Variants in ALK observed in about 807,000 individuals in gnomAD.
ALK encodes ALK receptor tyrosine kinase, also known as ALK tyrosine kinase receptor.
A neutral mutation model predicts 163.1 loss-of-function variants in ALK; 74 were observed. That is an observed-to-expected ratio of 0.45 (90% CI 0.38 to 0.55). The LOEUF is 0.55. Among genes scored for constraint, ALK ranks in the 20% least tolerant of loss-of-function variants. ALK has a pLI of 0.00. For synonymous variants in ALK, 960 were observed against 843.2 expected (o/e 1.14, Z -2.40); for missense variants, 2,063 against 2,105.3 (o/e 0.98, Z 0.39).
intron 3 of ALK, among the ~76,000 whole-genome samples, chr2:29,550,170 G>A (rs1351241687): frequency 2.6e-5 from 4 of 152,160 alleles, no homozygotes; most frequent in African/African-American, 7.2e-5. Context: ...CGAGCAATAT[G>A]TTAACATTTT....
rs1490805869 is a variant in ALK, at chr2:29,375,565, C to T, written c.1282+8167G>A. On this transcript the variant is annotated intron_variant, in intron 5 of 28. Coordinates refer to ENST00000389048, the MANE Select transcript of ALK (RefSeq NM_004304.5). ...ATCTCCTGACCTCGTGATCTGCCCG[C>T]CTCGGCCTCCCAAAGTGCTGGGATT... Among the ~76,000 whole-genome samples, 3 of 152,256 alleles carry T rather than the reference C, an allele frequency of 2.0e-5. No homozygotes were observed. The East Asian group carries it at 5.8e-4, about 29-fold the overall frequency.
At chr2:29,482,268 G>C (rs1314021869) in intron 4 of ALK, among the ~76,000 whole-genome samples, 2 of 152,116 alleles carry the variant, frequency 1.3e-5, no homozygotes, top group African/African-American at 4.8e-5. Context: ...CCATGAGCAG[G>C]GGAGTTATTT....
chr2:29,428,637 T>A (rs1193180363), intron 4 of ALK, among the ~76,000 whole-genome samples: 8 of 151,960 alleles, frequency 5.3e-5, no homozygotes, highest in African/African-American at 1.9e-4. Context: ...AGAAATTACC[T>A]ACAAAGAAAA....
At chr2:29,910,948 C>A (rs768481218) in intron 1 of ALK, among the ~76,000 whole-genome samples, 76 of 152,062 alleles carry the variant, frequency 5.0e-4, no homozygotes, top group Non-Finnish European at 9.7e-4. Flanking sequence ...CTGTTCTTTA[C>A]AACCGAAATA....
At chr2:29,510,600 G>T (rs1573415243) in intron 4 of ALK, among the ~76,000 whole-genome samples, 2 of 152,274 alleles carry the variant, frequency 1.3e-5, no homozygotes, top group African/African-American at 4.8e-5. Context: ...GCAGCAAAAA[G>T]AAATCAATAA....
intron 1 of ALK, among the ~76,000 whole-genome samples, chr2:29,778,886 T>C (rs938163872): frequency 6.6e-6 from 1 of 152,076 alleles, no homozygotes; most frequent in Admixed American, 6.5e-5. Context: ...CCGGGTGCGG[T>C]GGCTCACGCC....
intron 16 of ALK, among the ~76,000 whole-genome samples, chr2:29,228,252 C>G (rs922795891): frequency 6.6e-6 from 1 of 152,210 alleles, no homozygotes; most frequent in Non-Finnish European, 1.5e-5. Flanking sequence ...AACACAGACA[C>G]GAACACCACA....
intron 11 of ALK, among the ~76,000 whole-genome samples, chr2:29,262,592 T>G (rs539410333): frequency 6.6e-6 from 1 of 152,370 alleles, no homozygotes; most frequent in Non-Finnish European, 1.5e-5. Context: ...TGTTGTTTCC[T>G]TGCTCCAGAC....
intron 1 of ALK, among the ~76,000 whole-genome samples, chr2:29,797,678 A>G (rs1475047757): frequency 6.6e-6 from 1 of 152,204 alleles, no homozygotes; most frequent in African/African-American, 2.4e-5. Flanking sequence ...TATTCTGACT[A>G]GTTACTGGAG....
intron 3 of ALK, among the ~76,000 whole-genome samples, chr2:29,693,547 C>T (rs927787249): frequency 6.6e-6 from 1 of 152,044 alleles, no homozygotes; most frequent in Non-Finnish European, 1.5e-5. Context: ...AAAAAGTCAG[C>T]CCAGGAAAGT....
rs2148143244 is a variant in ALK at position 29,197,559 on chromosome 2, C to G, written c.4056G>C (p.Lys1352Asn). ...AGTCATACACAGGCCCAGGGCAGTT[C>G]TTGGGTGGGTCCATCCGGCCTCCAC... ...VTSGGRMDPP[K>N]NCPGPVYRIM... is the part of the protein sequence containing the mutation. The change falls in exon 27 of 29, where the codon AAG (lysine) becomes AAC (asparagine). Residue 1352 changes from lysine (K) to asparagine (N), a missense_variant. Physicochemically the swap from Lys to Asn is moderately conservative, Grantham distance 94. Around this residue, in one of 5 missense-constraint regions of ALK, gnomAD observed 403 missense variants for 366.2 expected, o/e 1.10. Coordinates refer to ENST00000389048, the MANE Select transcript of ALK (RefSeq NM_004304.5). 2 of 1,613,668 alleles carry G rather than the reference C, an allele frequency of 1.2e-6. No individual in the cohort carries two copies. The highest frequency in any genetic ancestry group is 1.7e-6 in the Non-Finnish European group (2 of 1,180,016).
chr2:29,370,957 T>C (rs972574963), intron 5 of ALK, among the ~76,000 whole-genome samples: 2 of 152,238 alleles, frequency 1.3e-5, no homozygotes, highest in South Asian at 4.1e-4. Context: ...TAGTTAATGT[T>C]TGTTAATCGT....
intron 1 of ALK, among the ~76,000 whole-genome samples, chr2:29,734,360 A>G (rs6735852): frequency 6.6e-6 from 1 of 152,140 alleles, no homozygotes; most frequent in Non-Finnish European, 1.5e-5. Flanking sequence ...TTTTAACATG[A>G]AAAAAAGATA....
intron 3 of ALK, among the ~76,000 whole-genome samples, chr2:29,539,317 T>A (rs1367870515): frequency 3.9e-5 from 6 of 152,204 alleles, no homozygotes; most frequent in African/African-American, 1.4e-4. Context: ...CATTGTTACT[T>A]GTCAAAATTG....
intron 1 of ALK, among the ~76,000 whole-genome samples, chr2:29,728,694 G>A (rs992536656): frequency 9.2e-5 from 14 of 152,120 alleles, no homozygotes; most frequent in African/African-American, 3.1e-4. Context: ...GGGTAGGGTG[G>A]GAGGCTGGAG....
At chr2:29,797,150 C>A (rs1225725360) in intron 1 of ALK, among the ~76,000 whole-genome samples, 1 of 151,992 alleles carries the variant, frequency 6.6e-6, no homozygotes, top group African/African-American at 2.4e-5. Flanking sequence ...TTTAGATTGC[C>A]ATCATTTTAA....
chr2:29,226,597 C>T (rs1664002800), intron 18 of ALK, among the ~76,000 whole-genome samples: 1 of 152,138 alleles, frequency 6.6e-6, no homozygotes, highest in African/African-American at 2.4e-5. Context: ...CAACAGGTCC[C>T]CAGCTCTGAA....
At chr2:29,594,681 C>G (rs1282730475) in intron 3 of ALK, among the ~76,000 whole-genome samples, 1 of 151,830 alleles carries the variant, frequency 6.6e-6, no homozygotes, top group Non-Finnish European at 1.5e-5. Flanking sequence ...TCCACCTGGG[C>G]CTCCGAAAGT....
At chr2:29,846,510 G>A (rs1191593347) in intron 1 of ALK, among the ~76,000 whole-genome samples, 1 of 152,236 alleles carries the variant, frequency 6.6e-6, no homozygotes, top group Non-Finnish European at 1.5e-5. Context: ...CAGCAGGCAT[G>A]TAAACATTTC....
Sources: allele counts gnomAD v4.1 joint callset (sites outside exome capture counted in the v4.1 genomes callset), GRCh38; gene constraint gnomAD v4.1.1; regional missense constraint gnomAD v4.1.1; transcripts MANE v1.5; gene names NCBI Gene and HGNC (gene_info 2026-07-23, HGNC 2026-07-21).